NDFIP2: variants seen among roughly 807,000 people sequenced by gnomAD.
NDFIP2 encodes the protein NEDD4 family-interacting protein 2.
A neutral mutation model predicts 36.0 loss-of-function variants in NDFIP2; 19 were observed. The observed-to-expected ratio is 0.53, with a 90% confidence interval of 0.37 to 0.77. NDFIP2 has a LOEUF of 0.77. Ranked by LOEUF, NDFIP2 falls within the 30% of genes least tolerant of loss-of-function variation. The pLI is 0.00. For synonymous variants in NDFIP2, 181 were observed against 167.7 expected (o/e 1.08, Z -0.61); for missense variants, 446 against 435.8 (o/e 1.02, Z -0.21).
At position 79,481,392 on chromosome 13, in the gene NDFIP2, C is replaced by A; in HGVS notation, c.189C>A (p.Gly63=). 1 of 1,555,582 alleles carries A rather than the reference C, an allele frequency of 6.4e-7. No homozygotes were observed. Among genetic ancestry groups the A allele is most frequent in the East Asian group, 2.4e-5 (1 of 41,806 alleles). Residue 63 remains glycine (G), a synonymous_variant, in exon 1 of 8, where the codon GGC becomes GGA. Transcript: ENST00000218652. The part of the protein sequence containing the change: ...DRGCRNGGGR[G]PAATTSSTGV... ...GCTGCAGGAACGGAGGCGGAAGGGG[C>A]CCTGCGGCGACGACGTCGTCGACGG...
At chr13:79,521,723 C>A (rs1239513314) in intron 2 of NDFIP2, among the ~76,000 whole-genome samples, 1 of 151,694 alleles carries the variant, frequency 6.6e-6, no homozygotes, top group East Asian at 1.9e-4. Context: ...CTACCAAATT[C>A]ATTTACTTTT....
intron 1 of NDFIP2, 27 bp from the exon 2 acceptor site, chr13:79,520,783 T>C: frequency 6.4e-7 from 1 of 1,568,078 alleles, no homozygotes; most frequent in Non-Finnish European, 8.7e-7. Flanking sequence ...ATTACATTAA[T>C]GTTTTGTTTT....
chr13:79,519,686 A>G (rs1035007829), intron 1 of NDFIP2, among the ~76,000 whole-genome samples: 6 of 152,254 alleles, frequency 3.9e-5, no homozygotes, highest in Admixed American at 2.0e-4. Flanking sequence ...CAAGATCTCA[A>G]CATTTTATTA....
chr13:79,528,009 A>T (rs535134985), intron 2 of NDFIP2, among the ~76,000 whole-genome samples: 5 of 152,282 alleles, frequency 3.3e-5, no homozygotes, highest in Non-Finnish European at 7.3e-5. Flanking sequence ...CATGCCTATA[A>T]TTCCAGTACT....
chr13:79,518,658 T>G (rs989077117), intron 1 of NDFIP2, among the ~76,000 whole-genome samples: 1 of 152,212 alleles, frequency 6.6e-6, no homozygotes, highest in African/African-American at 2.4e-5. Flanking sequence ...TTGGTTGTTA[T>G]ATTAGATGCT....
intron 4 of NDFIP2, among the ~76,000 whole-genome samples, chr13:79,541,358 A>G (rs1190606143): frequency 2.6e-5 from 4 of 151,482 alleles, no homozygotes; most frequent in Admixed American, 1.3e-4. Context: ...GACACACTGG[A>G]TGACTTTATT....
At chr13:79,514,927 A>T (rs979066156) in intron 1 of NDFIP2, among the ~76,000 whole-genome samples, 5 of 152,154 alleles carry the variant, frequency 3.3e-5, no homozygotes, top group Non-Finnish European at 7.3e-5. Flanking sequence ...GAGCATCTGG[A>T]TTGGAGCTCA....
At chr13:79,536,572 C>A (rs1489706852) in intron 3 of NDFIP2, among the ~76,000 whole-genome samples, 3 of 152,084 alleles carry the variant, frequency 2.0e-5, no homozygotes, top group Admixed American at 2.0e-4. Context: ...TGCCTAGATA[C>A]CATTTTATTT....
intron 1 of NDFIP2, among the ~76,000 whole-genome samples, chr13:79,500,845 C>T (rs928608680): frequency 9.2e-5 from 14 of 152,120 alleles, no homozygotes; most frequent in African/African-American, 2.9e-4. Flanking sequence ...TGTAAGCTTA[C>T]GGTCCATTCA....
intron 1 of NDFIP2, among the ~76,000 whole-genome samples, chr13:79,504,671 G>A (rs1873792660): frequency 6.6e-6 from 1 of 151,212 alleles, no homozygotes; most frequent in Non-Finnish European, 1.5e-5. Context: ...TAATGTTTTA[G>A]AAAGGTTCAG....
At chr13:79,521,862 G>A (rs1242438575) in intron 2 of NDFIP2, among the ~76,000 whole-genome samples, 4 of 134,402 alleles carry the variant, frequency 3.0e-5, no homozygotes, top group South Asian at 2.3e-4. Flanking sequence ...TTACTCTGTC[G>A]CCCAGGCTGG....
rs2079808895 is a variant in NDFIP2, at chr13:79,481,219, A to C, written c.16A>C (p.Ser6Arg). The C allele has an allele frequency of 6.6e-7, 1 of 1,514,078 alleles. No individual in the cohort carries two copies. Among genetic ancestry groups the C allele is most frequent in the Non-Finnish European group, 8.8e-7 (1 of 1,137,972 alleles). 93.8% of individuals were successfully genotyped at this position (1,514,078 alleles called of 1,614,324 possible). Residue 6 changes from serine to arginine, a missense_variant, in exon 1 of 8, where the codon AGC becomes CGC. Transcript: ENST00000218652. ...GGCGGCGCGGATGGCACGCCGGCGG[A>C]GCCAGCGAGTCTGCGCGAGCGGTCC... The part of the protein sequence containing the change: MARRR[S>R]QRVCASGPSM...
chr13:79,508,787 G>T (rs1268262026), intron 1 of NDFIP2, among the ~76,000 whole-genome samples: 1 of 152,174 alleles, frequency 6.6e-6, no homozygotes, highest in Non-Finnish European at 1.5e-5. Flanking sequence ...ATTTTACCCA[G>T]TTCCTATTCA....
At chr13:79,495,382 T>C (rs1873398331) in intron 1 of NDFIP2, among the ~76,000 whole-genome samples, 1 of 151,980 alleles carries the variant, frequency 6.6e-6, no homozygotes, top group Non-Finnish European at 1.5e-5. Context: ...TGCTCTCTTA[T>C]GAAATGTCCC....
At position 79,555,710 on chromosome 13, in the gene NDFIP2, CAT is replaced by C. The variant is rs1876086204; in HGVS notation, c.*3200_*3201del. 6.6e-6 allele frequency: 1 copy of C among 151,856 alleles called. No individual in the cohort carries two copies. The highest frequency in any genetic ancestry group is 1.5e-5 in the Non-Finnish European group (1 of 67,944). 9.4% of individuals were successfully genotyped at this position (151,856 alleles called of 1,614,324 possible). A position where few individuals can be genotyped will look rare whatever the true frequency, so the allele number is the denominator to read the frequency against. ...TTTATTATTTAATTCTTCAAATAGTCATATGAAAACATATATTTGATAAAGGT... is the reference window on the plus strand; with the variant it reads ...TTTATTATTTAATTCTTCAAATAGTCATGAAAACATATATTTGATAAAGGT... On this transcript the variant is annotated 3_prime_UTR_variant, in exon 8 of 8. Transcript: ENST00000218652.
rs1392987617 is a variant in NDFIP2 at position 79,554,984 on chromosome 13, A to T, written c.*2471A>T. 2 of 151,878 alleles carry T rather than the reference A, an allele frequency of 1.3e-5. No homozygotes were observed. The highest frequency in any genetic ancestry group is 4.8e-5 in the African/African-American group (2 of 41,416). The allele number at this position is 151,878 out of a possible 1,614,324, so 9.4% of individuals were successfully genotyped here. ...TAGTGTATGCAGGACAGATTTTAGAAACTTAGATTAAAATACAAATCCCAT... is the reference window on the plus strand; with the variant it reads ...TAGTGTATGCAGGACAGATTTTAGATACTTAGATTAAAATACAAATCCCAT... On this transcript the variant is annotated 3_prime_UTR_variant, in exon 8 of 8. Transcript: ENST00000218652.
At chr13:79,519,974 T>C (rs1428459362) in intron 1 of NDFIP2, among the ~76,000 whole-genome samples, 1 of 151,550 alleles carries the variant, frequency 6.6e-6, no homozygotes, top group Non-Finnish European at 1.5e-5. Flanking sequence ...CTAATTTTTG[T>C]ATTTTTAGTA....
At chr13:79,487,414 C>T (rs1873047100) in intron 1 of NDFIP2, among the ~76,000 whole-genome samples, 1 of 152,036 alleles carries the variant, frequency 6.6e-6, no homozygotes, top group African/African-American at 2.4e-5. Flanking sequence ...GCAGTTTATC[C>T]ATTGCTGTTG....
chr13:79,488,677 A>G (rs1873112426), intron 1 of NDFIP2, among the ~76,000 whole-genome samples: 1 of 152,206 alleles, frequency 6.6e-6, no homozygotes, highest in Non-Finnish European at 1.5e-5. Context: ...TATAATAGCT[A>G]TATATTATAG....
Sources: allele counts gnomAD v4.1 joint callset (sites outside exome capture counted in the v4.1 genomes callset), GRCh38; gene constraint gnomAD v4.1.1; transcripts MANE v1.5; gene names NCBI Gene and HGNC (gene_info 2026-07-23, HGNC 2026-07-21).